KALRN: variants seen among roughly 807,000 people sequenced by gnomAD.
The protein encoded by KALRN is kalirin.
A neutral mutation model predicts 353.7 loss-of-function variants in KALRN; 70 were observed. The observed-to-expected ratio is 0.20, with a 90% confidence interval of 0.16 to 0.24. The LOEUF (loss-of-function observed/expected upper bound fraction) is 0.24, where lower values mean the gene tolerates loss of function less well. Ranked by LOEUF, KALRN falls within the 10% of genes least tolerant of loss-of-function variation. KALRN has a pLI of 1.00. For missense variants in KALRN, 2,791 were observed against 3,756.7 expected (o/e 0.74, Z 6.72); for synonymous variants, 1,391 against 1,434.8 (o/e 0.97, Z 0.69).
chr3:124,489,135 C>A, intron 29 of KALRN, among the ~76,000 whole-genome samples: 1 of 152,042 alleles, frequency 6.6e-6, no homozygotes, highest in East Asian at 1.9e-4. Context: ...GGCGAAACCC[C>A]GTCTCTACTA....
At chr3:124,614,840 G>A (rs554864993) in intron 34 of KALRN, among the ~76,000 whole-genome samples, 1 of 152,266 alleles carries the variant, frequency 6.6e-6, no homozygotes, top group South Asian at 2.1e-4. Context: ...CCAAAATGTT[G>A]AGATTACTGG....
At chr3:124,494,268 G>A (rs189489132) in intron 32 of KALRN, among the ~76,000 whole-genome samples, 6 of 152,296 alleles carry the variant, frequency 3.9e-5, no homozygotes, top group East Asian at 3.9e-4. Flanking sequence ...CTTTAATTCC[G>A]TTATCTTGGA....
At chr3:124,081,241 A>T (rs2060527405) in intron 1 of KALRN, among the ~76,000 whole-genome samples, 1 of 152,200 alleles carries the variant, frequency 6.6e-6, no homozygotes, top group Admixed American at 6.5e-5. Context: ...TCCTGGTAAC[A>T]CTTTAATGAG....
At chr3:124,455,690 C>T (rs975842271) in intron 22 of KALRN, among the ~76,000 whole-genome samples, 5 of 152,120 alleles carry the variant, frequency 3.3e-5, no homozygotes, top group African/African-American at 9.7e-5. Context: ...TTCATAAGTA[C>T]CATCTTCCAC....
intron 10 of KALRN, among the ~76,000 whole-genome samples, chr3:124,363,113 T>TA (rs1481557803): frequency 1.3e-5 from 2 of 152,090 alleles, no homozygotes; most frequent in Admixed American, 6.5e-5. Flanking sequence ...AAATAAATTT[T>TA]AAAAAAATTA....
chr3:124,118,596 C>T (rs143195526), intron 1 of KALRN, among the ~76,000 whole-genome samples: 10 of 152,204 alleles, frequency 6.6e-5, no homozygotes, highest in African/African-American at 1.9e-4. Context: ...GACTTCTGTG[C>T]ATCTCTCTAT....
chr3:124,531,030 T>C (rs547068931), intron 33 of KALRN, among the ~76,000 whole-genome samples: 289 of 152,314 alleles, frequency 1.9e-3, no homozygotes, highest in African/African-American at 5.9e-3. Context: ...CTGTTCATTA[T>C]AGGCCCTCAG....
At chr3:124,435,141 A>C (rs760108589) in intron 17 of KALRN, among the ~76,000 whole-genome samples, 4 of 152,280 alleles carry the variant, frequency 2.6e-5, no homozygotes, top group Non-Finnish European at 4.4e-5. Flanking sequence ...GGCCAAGCCA[A>C]CATTAGTGAG....
chr3:124,189,014 T>C (rs1474860116), intron 1 of KALRN, among the ~76,000 whole-genome samples: 2 of 152,192 alleles, frequency 1.3e-5, no homozygotes, highest in Non-Finnish European at 2.9e-5. Flanking sequence ...GGCATTATCT[T>C]TCTTATACTT....
chr3:124,455,882 G>C (rs1186603568), intron 22 of KALRN, among the ~76,000 whole-genome samples: 2 of 152,194 alleles, frequency 1.3e-5, no homozygotes. Context: ...TTAGTAACCT[G>C]TGAATTAAGA....
intron 34 of KALRN, among the ~76,000 whole-genome samples, chr3:124,591,543 C>T (rs1348090170): frequency 1.3e-5 from 2 of 152,202 alleles, no homozygotes; most frequent in African/African-American, 4.8e-5. Context: ...TTTATGCTGA[C>T]TGCATGCCAG....
Position 124,434,309 on chromosome 3 carries a change from C to G in KALRN, c.2832C>G (p.Ser944=). Residue 944 remains serine, a splice_region_variant and synonymous_variant, in exon 17 of 60, where the codon TCC becomes TCG. Transcript: ENST00000682506. ...TTCTCTCCTCTCCTTGTGCCCAGTC[C>G]CTCTTTCATGCCACTTCCTTGCAGA... ...EHEQFQLAIE[S]LFHATSLQKT... 1.9e-6 allele frequency: 3 copies of G among 1,612,306 alleles called. No individual in the cohort carries two copies. The highest frequency in any genetic ancestry group is 2.5e-6 in the Non-Finnish European group (3 of 1,179,880).
chr3:124,193,480 T>G (rs2075133414), intron 1 of KALRN, among the ~76,000 whole-genome samples: 1 of 151,512 alleles, frequency 6.6e-6, no homozygotes. Context: ...TTTTTGTTTT[T>G]CTGGGTGGAC....
intron 6 of KALRN, among the ~76,000 whole-genome samples, chr3:124,316,809 G>C (rs1278535067): frequency 3.9e-5 from 6 of 152,202 alleles, no homozygotes; most frequent in Non-Finnish European, 8.8e-5. Context: ...TGTCTGTCTT[G>C]TACCTTGCTT....
At position 124,657,788 on chromosome 3, in the gene KALRN, G is replaced by A. The variant is rs2084264360; in HGVS notation, c.6021G>A (p.Gln2007=). Reference sequence around the variant, plus strand: ...TCCAGGAGCAAGACAGATTGGCACAGCTCTTTATTAAGCACGTGAGTGTCT... The same window carrying A: ...TCCAGGAGCAAGACAGATTGGCACAACTCTTTATTAAGCACGTGAGTGTCT... ...KCIQEQDRLA[Q]LFIKHERKLH... Residue 2007 remains glutamine (Q), a synonymous_variant, in exon 41 of 60, where the codon CAG becomes CAA. Coordinates refer to ENST00000682506, the MANE Select transcript of KALRN (RefSeq NM_001388419.1). 1 of 1,612,628 alleles carries A rather than the reference G, an allele frequency of 6.2e-7. No homozygotes were observed. The highest frequency in any genetic ancestry group is 1.3e-5 in the African/African-American group (1 of 74,910).
At chr3:124,444,396 T>A (rs2093763085) in intron 19 of KALRN, among the ~76,000 whole-genome samples, 2 of 152,228 alleles carry the variant, frequency 1.3e-5, no homozygotes, top group Admixed American at 6.5e-5. Flanking sequence ...GCAAGTTATG[T>A]AGCTAAGCCA....
chr3:124,460,555 A>G (rs1179638703), intron 23 of KALRN, among the ~76,000 whole-genome samples: 1 of 152,240 alleles, frequency 6.6e-6, no homozygotes, highest in Non-Finnish European at 1.5e-5. Context: ...CGCAATCTAC[A>G]GCTCATTTAA....
At chr3:124,453,484 G>A (rs549283242) in intron 21 of KALRN, among the ~76,000 whole-genome samples, 1 of 152,106 alleles carries the variant, frequency 6.6e-6, no homozygotes, top group Non-Finnish European at 1.5e-5. Context: ...CTCATGGGAG[G>A]GGCTGTAGAT....
chr3:124,356,820 T>C lies in KALRN; in HGVS notation c.1770+9555T>C, dbSNP rs2083470134. Among the ~76,000 whole-genome samples, 5 of 152,294 alleles carry C rather than the reference T, an allele frequency of 3.3e-5. No homozygotes were observed. In the South Asian group the frequency reaches 1.0e-3, roughly 32 times the overall value. On this transcript the variant is annotated intron_variant, in intron 10 of 59. Coordinates refer to ENST00000682506, the MANE Select transcript of KALRN (RefSeq NM_001388419.1). Reference sequence around the variant, plus strand: ...GATTTGTTCCTCAGATCTTCTCTTCTCACTTTACACAAACTCCCTGAACAA... The same window carrying C: ...GATTTGTTCCTCAGATCTTCTCTTCCCACTTTACACAAACTCCCTGAACAA...
Sources: allele counts gnomAD v4.1 joint callset (sites outside exome capture counted in the v4.1 genomes callset), GRCh38; gene constraint gnomAD v4.1.1; transcripts MANE v1.5; gene names NCBI Gene and HGNC (gene_info 2026-07-23, HGNC 2026-07-21).